UBE2L3: variants seen among roughly 807,000 people sequenced by gnomAD.
UBE2L3 encodes the protein ubiquitin-conjugating enzyme E2 L3.
Under a neutral mutation model 17.8 loss-of-function variants are expected in UBE2L3, and 1 was observed. The ratio of observed to expected loss-of-function variants is 0.06; its 90% CI spans 0.02 to 0.27. The LOEUF is 0.27. Among genes scored for constraint, UBE2L3 ranks in the 10% least tolerant of loss-of-function variants. The pLI is 1.00. For synonymous variants in UBE2L3, 44 were observed against 68.5 expected (o/e 0.64, Z 1.76); for missense variants, 40 against 192.6 (o/e 0.21, Z 4.69).
At chr22:21,618,885 C>T (rs957013051) in intron 3 of UBE2L3, among the ~76,000 whole-genome samples, 1 of 152,290 alleles carries the variant, frequency 6.6e-6, no homozygotes, top group Non-Finnish European at 1.5e-5. Flanking sequence ...AGCCACCAAC[C>T]TCTGCATTAG....
At chr22:21,569,395 CA>C (rs541227444) in intron 1 of UBE2L3, among the ~76,000 whole-genome samples, 25,047 of 86,052 alleles carry the variant, frequency 0.29, 2,015 homozygotes, top group East Asian at 0.39. Flanking sequence ...GACTCCATGT[CA>C]AAAAAAAAAA....
intron 3 of UBE2L3, among the ~76,000 whole-genome samples, chr22:21,620,705 G>A (rs184373175): frequency 3.2e-4 from 48 of 152,262 alleles, no homozygotes; most frequent in African/African-American, 9.6e-4. Flanking sequence ...ATGCGATGGC[G>A]GTTGTCAGCT....
Position 21,567,728 on chromosome 22 carries a change from G to A in UBE2L3, c.-17G>A. 6.3e-7 allele frequency: 1 copy of A among 1,579,346 alleles called. No individual in the cohort carries two copies. The highest frequency in any genetic ancestry group is 1.2e-5 in the South Asian group (1 of 85,980). ...GGCCGCGATGCATTCTGGGGAAGGA[G>A]CAGCACCAAATCCAAGATGGCGGCC... is the stretch of plus-strand genomic sequence containing the variant. On this transcript the variant is annotated 5_prime_UTR_variant, in exon 1 of 4. Transcript: ENST00000342192.
intron 1 of UBE2L3, among the ~76,000 whole-genome samples, chr22:21,571,529 C>T (rs549134716): frequency 6.6e-6 from 1 of 152,272 alleles, no homozygotes; most frequent in Admixed American, 6.5e-5. Flanking sequence ...CTGCCTCAGC[C>T]TCCCAAGTAG....
chr22:21,564,320 C>T (rs967115124), upstream of UBE2L3, among the ~76,000 whole-genome samples: 12 of 152,306 alleles, frequency 7.9e-5, no homozygotes, highest in African/African-American at 2.4e-4. Flanking sequence ...AGGCATGAGT[C>T]ACCACAAGGT....
upstream of UBE2L3, among the ~76,000 whole-genome samples, chr22:21,566,256 AGCCACTGT>A (rs1283581653): frequency 6.6e-6 from 1 of 151,910 alleles, no homozygotes; most frequent in African/African-American, 2.4e-5. Context: ...TACAGGCATC[AGCCACTGT>A]GCCAAGCCCC....
chr22:21,587,132 T>A (rs1927988935), intron 1 of UBE2L3, among the ~76,000 whole-genome samples: 1 of 151,984 alleles, frequency 6.6e-6, no homozygotes, highest in African/African-American at 2.4e-5. Flanking sequence ...GTGATCCACC[T>A]GCTTTGGCCT....
intron 1 of UBE2L3, among the ~76,000 whole-genome samples, 198 bp from the exon 2 acceptor site, chr22:21,592,663 A>T (rs887648809): frequency 2.0e-5 from 3 of 152,106 alleles, no homozygotes; most frequent in Non-Finnish European, 4.4e-5. Context: ...GGGCATGGGG[A>T]GAGGCAACAA....
chr22:21,598,598 C>G (rs1290266972), intron 2 of UBE2L3, among the ~76,000 whole-genome samples: 1 of 149,598 alleles, frequency 6.7e-6, no homozygotes, highest in Non-Finnish European at 1.5e-5. Context: ...GTGGCTCACA[C>G]CTATATTCCC....
upstream of UBE2L3, among the ~76,000 whole-genome samples, chr22:21,566,296 G>A (rs915447200): frequency 5.9e-5 from 9 of 151,660 alleles, no homozygotes; most frequent in Admixed American, 2.0e-4. Flanking sequence ...TAAAACATGC[G>A]TCTCAGCCCA....
intron 1 of UBE2L3, among the ~76,000 whole-genome samples, chr22:21,589,086 G>A (rs1003287050): frequency 3.3e-5 from 5 of 151,862 alleles, no homozygotes; most frequent in South Asian, 2.1e-4. Flanking sequence ...GAACCACTGC[G>A]CCTGGCCTGA....
upstream of UBE2L3, among the ~76,000 whole-genome samples, chr22:21,563,022 T>C (rs1394048196): frequency 6.6e-6 from 1 of 150,556 alleles, no homozygotes; most frequent in Non-Finnish European, 1.5e-5. Context: ...AATGGGCGGA[T>C]CAGGAGGTCG....
chr22:21,566,458 G>A (rs1450270670), upstream of UBE2L3, among the ~76,000 whole-genome samples: 3 of 151,920 alleles, frequency 2.0e-5, no homozygotes, highest in East Asian at 1.9e-4. Context: ...GTGGTGGAAC[G>A]TGCCTGTAGT....
chr22:21,609,924 G>T (rs1009759786), intron 2 of UBE2L3, among the ~76,000 whole-genome samples: 1 of 152,184 alleles, frequency 6.6e-6, no homozygotes, highest in African/African-American at 2.4e-5. Flanking sequence ...TACTTGGGAG[G>T]CTGAAGCAGG....
intron 1 of UBE2L3, chr22:21,555,201 AG>A (rs1487667177): frequency 6.7e-6 from 1 of 149,844 alleles, no homozygotes; most frequent in African/African-American, 2.5e-5. Flanking sequence ...GCTTGGATCC[AG>A]GACTTCTGGA....
chr22:21,619,224 G>A (rs185891921), intron 3 of UBE2L3, among the ~76,000 whole-genome samples: 3 of 152,166 alleles, frequency 2.0e-5, no homozygotes, highest in East Asian at 1.9e-4. Flanking sequence ...GGTGGGCTTC[G>A]TTTATTAAAT....
At chr22:21,557,175 G>C (rs1159341704) in intron 1 of UBE2L3, among the ~76,000 whole-genome samples, 1 of 152,264 alleles carries the variant, frequency 6.6e-6, no homozygotes, top group Non-Finnish European at 1.5e-5. Flanking sequence ...GACCAGCCTA[G>C]ACAACATGGC....
At chr22:21,606,642 G>T (rs1929189049) in intron 2 of UBE2L3, among the ~76,000 whole-genome samples, 2 of 152,128 alleles carry the variant, frequency 1.3e-5, no homozygotes, top group Admixed American at 1.3e-4. Flanking sequence ...TTGAACTCAG[G>T]AGTTTGAGGC....
At chr22:21,587,265 A>G (rs373930958) in intron 1 of UBE2L3, among the ~76,000 whole-genome samples, 10 of 151,346 alleles carry the variant, frequency 6.6e-5, no homozygotes, top group African/African-American at 1.5e-4. Context: ...ATCTCGGCTC[A>G]CTGCAACCTC....
Sources: gnomAD v4.1 joint callset for allele counts (sites outside exome capture counted in the v4.1 genomes callset) on GRCh38, gnomAD v4.1.1 for gene constraint, MANE v1.5 for transcripts, NCBI Gene and HGNC (gene_info 2026-07-23, HGNC 2026-07-21) for gene names.